Variants in TG observed in about 807,000 individuals in gnomAD.
The protein encoded by TG is thyroglobulin, also known as thyroid hormones.
A neutral mutation model predicts 324.7 loss-of-function variants in TG; 270 were observed. The ratio of observed to expected loss-of-function variants is 0.83; its 90% CI spans 0.75 to 0.92. The LOEUF (loss-of-function observed/expected upper bound fraction) is 0.92. Among genes scored for constraint, TG ranks in the 40% least tolerant of loss-of-function variants. The pLI is 0.00. For missense variants in TG, 3,591 were observed against 3,456.4 expected, an observed-to-expected ratio of 1.04 and a Z score of -0.98; for synonymous variants, 1,401 against 1,327.0, an observed-to-expected ratio of 1.06 and a Z score of -1.21.
intron 41 of TG, among the ~76,000 whole-genome samples, chr8:133,060,520 C>T (rs1047701406): frequency 1.3e-5 from 2 of 152,134 alleles, no homozygotes; most frequent in African/African-American, 4.8e-5. Context: ...AACCAAGCAG[C>T]ATTTCAGGTG....
At chr8:132,912,516 C>T (rs138506664) in intron 19 of TG, among the ~76,000 whole-genome samples, 2 of 151,994 alleles carry the variant, frequency 1.3e-5, no homozygotes, top group Non-Finnish European at 2.9e-5. Context: ...TCATTTGACA[C>T]CTGGAGACCT....
intron 17 of TG, among the ~76,000 whole-genome samples, chr8:132,907,578 G>A (rs924256534): frequency 2.0e-5 from 3 of 152,178 alleles, no homozygotes; most frequent in African/African-American, 7.2e-5. Flanking sequence ...ATGCCAGAGT[G>A]TCAAGGAGAG....
intron 24 of TG, 104 bp downstream of exon 24, chr8:132,933,780 C>A: frequency 3.0e-6 from 3 of 1,009,582 alleles, no homozygotes; most frequent in South Asian, 2.6e-5. Flanking sequence ...ATGAGGTTGT[C>A]GAGAGCTGAT....
rs1426259192 is a variant in TG, at chr8:132,967,839, A to G, written c.5732A>G (p.Glu1911Gly). The stretch of plus-strand genomic sequence containing the variant: ...TTCTGTCAGCTCGCAGAGATAACAG[A>G]GAGTGCATCCTTGTACTTCACCTGC... ...HSFCQLAEIT[E>G]SASLYFTCTL... The change falls in exon 31 of 48, where the codon GAG becomes GGG. Residue 1911 changes from glutamate to glycine, a missense_variant. Coordinates refer to ENST00000220616, the MANE Select transcript of TG (RefSeq NM_003235.5). 3 of 1,613,886 alleles carry G rather than the reference A, an allele frequency of 1.9e-6. No homozygotes were observed. Among genetic ancestry groups the G allele is most frequent in the African/African-American group, 2.7e-5 (2 of 74,932 alleles).
At chr8:132,941,763 TTCCTTTCTGCTG>T (rs1326296623) in intron 26 of TG, among the ~76,000 whole-genome samples, 1 of 152,254 alleles carries the variant, frequency 6.6e-6, no homozygotes, top group Admixed American at 6.5e-5. Flanking sequence ...TACTGGTTTA[TTCCTTTCTGCTG>T]TCTTTACGGG....
chr8:132,991,730 G>A (rs979706162), intron 35 of TG, among the ~76,000 whole-genome samples: 1 of 152,020 alleles, frequency 6.6e-6, no homozygotes, highest in Non-Finnish European at 1.5e-5. Context: ...CACTCAGCAC[G>A]CGGGAACTCC....
chr8:132,925,501 A>T (rs960239192), intron 22 of TG, among the ~76,000 whole-genome samples: 5 of 126,792 alleles, frequency 3.9e-5, no homozygotes, highest in Non-Finnish European at 6.9e-5. Flanking sequence ...AAGTGCTAAC[A>T]AGTCCTAAGG....
At chr8:132,997,199 G>C (rs1175290322) in intron 35 of TG, among the ~76,000 whole-genome samples, 3 of 152,172 alleles carry the variant, frequency 2.0e-5, no homozygotes, top group Non-Finnish European at 4.4e-5. Context: ...GTTTTGAGTT[G>C]GGCAGCCCCA....
chr8:133,127,476 G>T (rs1044480255), intron 45 of TG, among the ~76,000 whole-genome samples: 2 of 152,162 alleles, frequency 1.3e-5, no homozygotes, highest in Non-Finnish European at 2.9e-5. Context: ...GACAGTTGCA[G>T]CGACCCTAGG....
At chr8:132,898,281 C>A in intron 13 of TG, 35 bp downstream of exon 13, 9 of 1,554,008 alleles carry the variant, frequency 5.8e-6, no homozygotes, top group Non-Finnish European at 7.9e-6. Context: ...CTCCTGACCC[C>A]CCTTGGTGGG....
At chr8:132,882,003 G>GAATCACACTCCCTCCCTTCA in intron 6 of TG, 34 bp downstream of exon 6, 1 of 1,438,484 alleles carries the variant, frequency 7.0e-7, no homozygotes, top group Non-Finnish European at 9.8e-7. Context: ...CTGAAGGGAG[G>GAATCACACTCCCTCCCTTCA]GAGTGTGATT....
At chr8:132,954,956 G>A (rs891885952) in intron 27 of TG, among the ~76,000 whole-genome samples, 1 of 152,156 alleles carries the variant, frequency 6.6e-6, no homozygotes, top group Non-Finnish European at 1.5e-5. Context: ...TAGCAGAGGG[G>A]CAAGGGAAAC....
chr8:132,956,158 C>T (rs1207056247), intron 27 of TG, among the ~76,000 whole-genome samples: 1 of 152,164 alleles, frequency 6.6e-6, no homozygotes, highest in Non-Finnish European at 1.5e-5. Flanking sequence ...AGTAAAGGGT[C>T]AGAAGTCTGT....
At chr8:132,905,011 G>A (rs768299670) in intron 16 of TG, among the ~76,000 whole-genome samples, 7 of 152,148 alleles carry the variant, frequency 4.6e-5, no homozygotes, top group Non-Finnish European at 1.0e-4. Flanking sequence ...CAGTATTGGC[G>A]TCTGTATAGG....
intron 41 of TG, among the ~76,000 whole-genome samples, chr8:133,032,349 G>T (rs1221392588): frequency 1.3e-5 from 2 of 152,150 alleles, no homozygotes; most frequent in Non-Finnish European, 2.9e-5. Context: ...ATCCTGCGTT[G>T]AATTGATCCT....
Position 132,900,269 on chromosome 8 carries a change from G to A in TG, c.3363G>A (p.Gly1121=). ...TGEYARLQAS[G]AGTWCVDPAS... is the part of the protein sequence containing the mutation. Reference sequence around the variant, plus strand: ...AGTATGCCAGGCTGCAGGCATCGGGGGCTGGCACCTGGTGTGTGGACCCTG... The same window carrying A: ...AGTATGCCAGGCTGCAGGCATCGGGAGCTGGCACCTGGTGTGTGGACCCTG... The change falls in exon 15 of 48, where the codon GGG becomes GGA. Residue 1121 remains glycine, a synonymous_variant. Coordinates refer to ENST00000220616, the MANE Select transcript of TG (RefSeq NM_003235.5). 6.2e-7 allele frequency: 1 copy of A among 1,614,092 alleles called. No individual in the cohort carries two copies. The highest frequency in any genetic ancestry group is 8.5e-7 in the Non-Finnish European group (1 of 1,180,012).
chr8:132,988,718 A>G (rs898178071), intron 35 of TG: 5 of 985,282 alleles, frequency 5.1e-6, no homozygotes, highest in Non-Finnish European at 6.0e-6. Context: ...GCTTACACCA[A>G]CCAAGCCAGC....
At chr8:132,972,263 G>T in intron 33 of TG, 1 of 463,422 alleles carries the variant, frequency 2.2e-6, no homozygotes, top group Non-Finnish European at 3.9e-6. Context: ...CTGAGCCTCT[G>T]TTTCCTCCTC....
At chr8:132,930,716 G>A (rs900195447) in intron 23 of TG, among the ~76,000 whole-genome samples, 1 of 151,976 alleles carries the variant, frequency 6.6e-6, no homozygotes, top group African/African-American at 2.4e-5. Flanking sequence ...CAAACTGGTG[G>A]GATGGGAAGC....
Sources: gnomAD v4.1 joint callset for allele counts (sites outside exome capture counted in the v4.1 genomes callset) on GRCh38, gnomAD v4.1.1 for gene constraint, MANE v1.5 for transcripts, NCBI Gene and HGNC (gene_info 2026-07-23, HGNC 2026-07-21) for gene names.